TRPM3: variants seen among roughly 807,000 people sequenced by gnomAD.
TRPM3 encodes transient receptor potential cation channel subfamily M member 3, also known as long transient receptor potential channel 3.
A neutral mutation model predicts 181.2 loss-of-function variants in TRPM3; 77 were observed. The ratio of observed to expected loss-of-function variants is 0.42; its 90% CI spans 0.35 to 0.51. The LOEUF is 0.51. Ranked by LOEUF, TRPM3 falls within the 20% of genes least tolerant of loss-of-function variation. The pLI is 0.01. For missense variants in TRPM3, 1,759 were observed against 2,196.7 expected (o/e 0.80, Z 3.98); for synonymous variants, 745 against 796.4 (o/e 0.94, Z 1.09).
intron 1 of TRPM3, among the ~76,000 whole-genome samples, chr9:71,128,424 G>A (rs1164874333): frequency 6.6e-6 from 1 of 152,250 alleles, no homozygotes; most frequent in East Asian, 1.9e-4. Flanking sequence ...AAAGGGGATG[G>A]GGTTTTAGTA....
chr9:70,971,369 T>A (rs1429118163), intron 1 of TRPM3, among the ~76,000 whole-genome samples: 1 of 152,128 alleles, frequency 6.6e-6, no homozygotes, highest in Non-Finnish European at 1.5e-5. Flanking sequence ...CTTGCCCTTT[T>A]TAATGCCTTT....
rs575641719 is a variant in TRPM3, at chr9:71,360,064, C to T, written c.183+86589G>A. ...AGTGCTAGAGGAAGAGTGGCCGGCA[C>T]ATAACTACAATTAGTGTTAGTTATT... On this transcript the variant is annotated intron_variant, in intron 1 of 24. Coordinates refer to the TRPM3 transcript ENST00000357533. Among the ~76,000 whole-genome samples the T allele has an allele frequency of 3.3e-5, 5 of 152,228 alleles. No homozygotes were observed. The South Asian group carries it at 1.0e-3, about 32-fold the overall frequency.
chr9:71,074,154 G>A (rs368021103), intron 1 of TRPM3, among the ~76,000 whole-genome samples: 3 of 152,228 alleles, frequency 2.0e-5, no homozygotes, highest in African/African-American at 7.2e-5. Flanking sequence ...GTAACTACCA[G>A]AACAGGTAAG....
rs548682208 is a variant in TRPM3 at position 70,928,693 on chromosome 9, G to A, written c.178-64182C>T. Among the ~76,000 whole-genome samples the A allele has an allele frequency of 4.3e-4, 66 of 152,336 alleles. 1 individual carries two copies. The South Asian group carries it at 0.014, about 32-fold the overall frequency. ...AACCTGAGCCACTGATGGCATGGAG[G>A]AGAAGAAATCAGGAGGCCCTGAGGA... On this transcript the variant is annotated intron_variant, in intron 1 of 25. Transcript: ENST00000677713.
intron 1 of TRPM3, among the ~76,000 whole-genome samples, chr9:71,204,085 A>G (rs11142731): frequency 0.24 from 36,077 of 148,386 alleles, 4,555 homozygotes; most frequent in East Asian, 0.35. Context: ...AGACTTAAAC[A>G]TTAGACCTAA....
intron 3 of TRPM3, among the ~76,000 whole-genome samples, chr9:70,857,618 T>G (rs752829092): frequency 1.1e-4 from 17 of 152,144 alleles, no homozygotes; most frequent in Non-Finnish European, 1.8e-4. Flanking sequence ...CTGTGCTAGG[T>G]GTATACAACA....
At chr9:70,822,259 G>C (rs1490602661) in intron 6 of TRPM3, among the ~76,000 whole-genome samples, 1 of 152,102 alleles carries the variant, frequency 6.6e-6, no homozygotes, top group Non-Finnish European at 1.5e-5. Flanking sequence ...AAATTCCCTA[G>C]AGACTAGTCC....
intron 1 of TRPM3, among the ~76,000 whole-genome samples, chr9:70,883,995 G>A (rs1006745677): frequency 6.6e-6 from 1 of 152,162 alleles, no homozygotes; most frequent in Non-Finnish European, 1.5e-5. Context: ...ATTTGGAAAC[G>A]ATTGCAGTTT....
chr9:71,265,520 C>T (rs2083329205), intron 1 of TRPM3, among the ~76,000 whole-genome samples: 1 of 152,210 alleles, frequency 6.6e-6, no homozygotes, highest in Admixed American at 6.5e-5. Context: ...TGATTATATA[C>T]ATCAAGTCAA....
intron 1 of TRPM3, among the ~76,000 whole-genome samples, chr9:71,433,981 C>A (rs1226645659): frequency 6.6e-6 from 1 of 152,046 alleles, no homozygotes; most frequent in Admixed American, 6.6e-5. Context: ...CATGGAGAAA[C>A]CCCATCTCTA....
intron 1 of TRPM3, among the ~76,000 whole-genome samples, chr9:71,205,851 A>T (rs1292403926): frequency 6.6e-6 from 1 of 152,192 alleles, no homozygotes; most frequent in Non-Finnish European, 1.5e-5. Flanking sequence ...ATGAGAAATG[A>T]CCTAAATCCC....
At chr9:70,887,018 A>C (rs531890484) in intron 1 of TRPM3, among the ~76,000 whole-genome samples, 2 of 152,328 alleles carry the variant, frequency 1.3e-5, no homozygotes, top group South Asian at 4.1e-4. Context: ...AATAAAATCA[A>C]AACATATGAT....
chr9:71,123,127 T>C (rs1404798713), upstream of TRPM3, among the ~76,000 whole-genome samples: 1 of 152,218 alleles, frequency 6.6e-6, no homozygotes, highest in Admixed American at 6.5e-5. Flanking sequence ...ACCAGTCTAC[T>C]AGGCTGTAAA....
chr9:71,426,830 A>C (rs1013620269), intron 1 of TRPM3, among the ~76,000 whole-genome samples: 3 of 152,182 alleles, frequency 2.0e-5, no homozygotes, highest in African/African-American at 7.2e-5. Context: ...ACCAAAAAAA[A>C]AAAATTCAGA....
intron 1 of TRPM3, among the ~76,000 whole-genome samples, chr9:71,078,058 C>A (rs1433877472): frequency 2.6e-5 from 4 of 152,024 alleles, no homozygotes; most frequent in Non-Finnish European, 5.9e-5. Flanking sequence ...AGAAAATCAT[C>A]ATACACATAT....
intron 1 of TRPM3, chr9:70,917,568 T>TTTTTTTTTTTTTTTTTTTTTTTGAGACGG: frequency 8.4e-6 from 5 of 593,632 alleles, no homozygotes; most frequent in Non-Finnish European, 9.3e-6. Context: ...GTTAAGTTGT[T>TTTTTTTTTTTTTTTTTTTTTTTGAGACGG]ATATCAACTT....
At chr9:70,802,837 C>T (rs1417209172) in intron 6 of TRPM3, among the ~76,000 whole-genome samples, 1 of 152,002 alleles carries the variant, frequency 6.6e-6, no homozygotes. Flanking sequence ...CTATTTGGTG[C>T]TTTGCCTAAA....
intron 1 of TRPM3, among the ~76,000 whole-genome samples, chr9:71,251,604 A>G (rs1247652151): frequency 2.6e-5 from 4 of 152,214 alleles, no homozygotes; most frequent in African/African-American, 9.7e-5. Context: ...ACATAGGTAT[A>G]TATATGGGGC....
At chr9:70,774,016 G>T (rs2080868662) in intron 7 of TRPM3, 3 of 152,264 alleles carry the variant, frequency 2.0e-5, no homozygotes, top group African/African-American at 7.2e-5. Context: ...TGCCTCAGCA[G>T]ACATTGTTAA....
Sources: allele counts gnomAD v4.1 joint callset (sites outside exome capture counted in the v4.1 genomes callset), GRCh38; gene constraint gnomAD v4.1.1; transcripts MANE v1.5; gene names NCBI Gene and HGNC (gene_info 2026-07-23, HGNC 2026-07-21).